The following CFAP58 variants were observed in gnomAD, a reference collection of about 807,000 sequenced individuals.
CFAP58 encodes the protein cilia- and flagella-associated protein 58.
A neutral mutation model predicts 119.5 loss-of-function variants in CFAP58; 88 were observed. The observed-to-expected ratio is 0.74, with a 90% CI of 0.62 to 0.88. The LOEUF (loss-of-function observed/expected upper bound fraction) is 0.88. Among genes scored for constraint, CFAP58 ranks in the 40% least tolerant of loss-of-function variants. The pLI is 0.00. For missense variants in CFAP58, 990 were observed against 1,021.2 expected (o/e 0.97, Z 0.42); for synonymous variants, 365 against 366.3 (o/e 1.00, Z 0.04).
intron 15 of CFAP58, among the ~76,000 whole-genome samples, chr10:104,441,301 C>G (rs1416385098): frequency 6.6e-6 from 1 of 152,338 alleles, no homozygotes; most frequent in East Asian, 1.9e-4. Context: ...CCGTACCCAG[C>G]CGACCTTACT....
chr10:104,446,569 G>T lies in CFAP58; in HGVS notation c.2257-1129G>T, dbSNP rs1050819887. ...TTGATAACAATACTAAGAATACTTA[G>T]CTGTAGGTAAAAATTAATATCCATT... On this transcript the variant is annotated intron_variant, in intron 15 of 17. Coordinates refer to ENST00000369704, the MANE Select transcript of CFAP58 (RefSeq NM_001008723.2). 4.6e-5 allele frequency among the ~76,000 whole-genome samples: 7 copies of T among 152,252 alleles called. No individual in the cohort carries two copies. The East Asian group carries it at 7.7e-4, about 17-fold the overall frequency.
intron 11 of CFAP58, among the ~76,000 whole-genome samples, chr10:104,395,407 A>C (rs1190535801): frequency 6.6e-6 from 1 of 152,194 alleles, no homozygotes; most frequent in Non-Finnish European, 1.5e-5. Flanking sequence ...GATTATAGGA[A>C]GATGATTGCT....
chr10:104,434,882 T>C (rs2012907840), intron 15 of CFAP58, among the ~76,000 whole-genome samples: 1 of 152,202 alleles, frequency 6.6e-6, no homozygotes, highest in African/African-American at 2.4e-5. Flanking sequence ...GCATGGTCTT[T>C]TGGAATTGAG....
intron 5 of CFAP58, among the ~76,000 whole-genome samples, chr10:104,367,149 G>A (rs1006791295): frequency 2.0e-5 from 3 of 151,812 alleles, no homozygotes; most frequent in Non-Finnish European, 2.9e-5. Context: ...ATGAGCCACC[G>A]CACCCAGCCG....
intron 9 of CFAP58, among the ~76,000 whole-genome samples, 192 bp downstream of exon 9, chr10:104,380,412 CA>C (rs2011764974): frequency 6.6e-6 from 1 of 152,154 alleles, no homozygotes; most frequent in Admixed American, 6.5e-5. Flanking sequence ...GTGAAAAGGA[CA>C]ATGTTTATGC....
At chr10:104,340,848 G>C in the CFAP58 span, among the ~76,000 whole-genome samples, 3 of 152,124 alleles carry the variant, frequency 2.0e-5, no homozygotes, top group East Asian at 5.8e-4. Context: ...TGAGATCTCT[G>C]CCTAAGGCTG....
chr10:104,425,773 C>T (rs921085783), intron 15 of CFAP58, among the ~76,000 whole-genome samples: 2 of 152,052 alleles, frequency 1.3e-5, no homozygotes, highest in Non-Finnish European at 2.9e-5. Flanking sequence ...GGACATTAGC[C>T]GTTCAAGAGT....
At chr10:104,377,298 A>C (rs2011691195) in intron 8 of CFAP58, among the ~76,000 whole-genome samples, 1 of 152,234 alleles carries the variant, frequency 6.6e-6, no homozygotes, top group Non-Finnish European at 1.5e-5. Context: ...CTGAGGTGTT[A>C]GGTGTAGGAA....
upstream of CFAP58, chr10:104,353,807 C>T (rs1034137542): frequency 6.7e-7 from 1 of 1,484,528 alleles, no homozygotes; most frequent in Non-Finnish European, 9.2e-7. Context: ...ATAGAGACAG[C>T]GCGTCGCGCC....
chr10:104,347,057 A>G, the CFAP58 span, among the ~76,000 whole-genome samples: 4 of 152,216 alleles, frequency 2.6e-5, no homozygotes, highest in Non-Finnish European at 5.9e-5. Context: ...TGAATGATCT[A>G]GCCTAACCAG....
chr10:104,357,912 C>T lies in CFAP58; in HGVS notation c.10-429C>T, dbSNP rs1363730318. Among the ~76,000 whole-genome samples, 16 of 113,632 alleles carry T rather than the reference C, an allele frequency of 1.4e-4. 1 individual carries two copies. The highest frequency in any genetic ancestry group is 4.1e-4 in the African/African-American group (9 of 21,942). 74.5% of individuals were successfully genotyped at this position (113,632 alleles called of 152,430 possible). On this transcript the variant is annotated intron_variant, in intron 1 of 17. Transcript: ENST00000369704. ...ATAAACATATATGTACACATATACA[C>T]ACATATATGTACACATATACACACA...
chr10:104,386,480 C>A (rs2011927771), intron 9 of CFAP58, among the ~76,000 whole-genome samples: 1 of 152,014 alleles, frequency 6.6e-6, no homozygotes, highest in Non-Finnish European at 1.5e-5. Flanking sequence ...CTATTAATAA[C>A]CTTGCCTTTC....
At chr10:104,338,998 T>C in the CFAP58 span, among the ~76,000 whole-genome samples, 1 of 149,388 alleles carries the variant, frequency 6.7e-6, no homozygotes, top group East Asian at 2.0e-4. Context: ...AACCTCCGCC[T>C]CCCGGGTTCG....
intron 15 of CFAP58, among the ~76,000 whole-genome samples, chr10:104,429,732 T>C (rs2133077488): frequency 6.6e-6 from 1 of 152,342 alleles, no homozygotes; most frequent in East Asian, 1.9e-4. Flanking sequence ...CTCACTTTTA[T>C]TTTTATAAAA....
the CFAP58 span, among the ~76,000 whole-genome samples, chr10:104,342,644 A>G: frequency 0.25 from 37,946 of 148,924 alleles, 5,082 homozygotes; most frequent in Middle Eastern, 0.3. Flanking sequence ...AACCTGGCCA[A>G]TATGGCGAAG....
chr10:104,376,502 CAAAAAAAAAA>C (rs1282859666), intron 7 of CFAP58, among the ~76,000 whole-genome samples: 2 of 48,238 alleles, frequency 4.1e-5, no homozygotes, highest in Admixed American at 4.5e-4. Context: ...AACTCCGTCT[CAAAAAAAAAA>C]AAAAAAAAAG....
chr10:104,422,526 C>T (rs539609886), intron 15 of CFAP58, among the ~76,000 whole-genome samples: 39 of 152,300 alleles, frequency 2.6e-4, no homozygotes, highest in Non-Finnish European at 3.1e-4. Context: ...GCTTGTTTTT[C>T]TGTTGGGTTC....
chr10:104,366,113 C>T, intron 5 of CFAP58, 105 bp downstream of exon 5: 1 of 1,009,088 alleles, frequency 9.9e-7, no homozygotes, highest in East Asian at 2.7e-5. Context: ...AGCAAATTCC[C>T]TTCACTACTC....
chr10:104,397,277 C>T (rs2012181387), intron 11 of CFAP58, among the ~76,000 whole-genome samples: 1 of 152,144 alleles, frequency 6.6e-6, no homozygotes, highest in South Asian at 2.1e-4. Flanking sequence ...AACAGACAAT[C>T]CCCCCAAGTG....
Sources: allele counts gnomAD v4.1 joint callset (sites outside exome capture counted in the v4.1 genomes callset), GRCh38; gene constraint gnomAD v4.1.1; transcripts MANE v1.5; gene names NCBI Gene and HGNC (gene_info 2026-07-23, HGNC 2026-07-21).